Variants in USP48 observed in about 807,000 individuals in gnomAD.
USP48 encodes the protein ubiquitin specific peptidase 48.
USP48 carries 43 observed loss-of-function variants against 150.7 expected under a neutral mutation model. The observed-to-expected ratio is 0.29, with a 90% CI of 0.22 to 0.37. USP48 has a LOEUF of 0.37. Among genes scored for constraint, USP48 ranks in the 10% least tolerant of loss-of-function variants. The pLI, the probability that USP48 is intolerant of heterozygous loss-of-function variation, is 1.00. For synonymous variants in USP48, 396 were observed against 425.9 expected (o/e 0.93, Z 0.86); for missense variants, 813 against 1,249.6 (o/e 0.65, Z 5.27).
intron 3 of USP48, among the ~76,000 whole-genome samples, chr1:21,755,098 T>C (rs2097828314): frequency 6.6e-6 from 1 of 152,208 alleles, no homozygotes; most frequent in Admixed American, 6.6e-5. Flanking sequence ...ATTAATTCTG[T>C]TATTAATTCT....
At chr1:21,706,323 C>A in intron 17 of USP48, 136 bp from the exon 18 acceptor site, 1 of 1,491,792 alleles carries the variant, frequency 6.7e-7, no homozygotes, top group South Asian at 1.3e-5. Flanking sequence ...CAAAAAATAG[C>A]AGGCTGGAGT....
At chr1:21,734,791 T>C (rs1312634585) in intron 9 of USP48, among the ~76,000 whole-genome samples, 1 of 152,210 alleles carries the variant, frequency 6.6e-6, no homozygotes, top group African/African-American at 2.4e-5. Flanking sequence ...TATACCTGTC[T>C]GACAGACAAT....
chr1:21,762,516 GGT>G (rs1290306595), intron 1 of USP48, among the ~76,000 whole-genome samples: 1 of 152,134 alleles, frequency 6.6e-6, no homozygotes, highest in East Asian at 1.9e-4. Context: ...GCTTTTCAAA[GGT>G]GTAATATCAA....
intron 11 of USP48, 87 bp from the exon 12 acceptor site, chr1:21,724,182 A>T: frequency 3.1e-6 from 4 of 1,300,962 alleles, no homozygotes; most frequent in Non-Finnish European, 4.4e-6. Flanking sequence ...AAGACAATGC[A>T]AACTCTGTCC....
chr1:21,721,227 C>T, intron 13 of USP48, 61 bp from the exon 14 acceptor site: 4 of 1,584,526 alleles, frequency 2.5e-6, no homozygotes, highest in Admixed American at 3.5e-5. Flanking sequence ...GTCCTCCCTT[C>T]TTTGCCTGTA....
At chr1:21,744,381 A>G (rs914572822) in intron 8 of USP48, among the ~76,000 whole-genome samples, 2 of 151,616 alleles carry the variant, frequency 1.3e-5, no homozygotes, top group Non-Finnish European at 2.9e-5. Flanking sequence ...CAGGAGGTGG[A>G]GGCTGCAGTG....
chr1:21,715,937 G>A (rs537535959), intron 14 of USP48, among the ~76,000 whole-genome samples: 1 of 152,238 alleles, frequency 6.6e-6, no homozygotes, highest in African/African-American at 2.4e-5. Context: ...GACCCTCAAT[G>A]GATGCCTAAA....
At chr1:21,769,398 AGGAG>A (rs1411057210) in intron 1 of USP48, among the ~76,000 whole-genome samples, 1 of 148,274 alleles carries the variant, frequency 6.7e-6, no homozygotes, top group African/African-American at 2.5e-5. Context: ...GGAGGGTGGG[AGGAG>A]GGAGGGGAGC....
At chr1:21,710,160 G>A (rs190015661) in intron 15 of USP48, among the ~76,000 whole-genome samples, 143 of 152,246 alleles carry the variant, frequency 9.4e-4, no homozygotes, top group Middle Eastern at 3.4e-3. Context: ...TAAATTTTAA[G>A]AGAAAGCCAA....
At chr1:21,767,966 G>C (rs577624478) in intron 1 of USP48, among the ~76,000 whole-genome samples, 3 of 152,264 alleles carry the variant, frequency 2.0e-5, no homozygotes, top group African/African-American at 4.8e-5. Context: ...CCAGCACTCT[G>C]GGAGGCCGAG....
chr1:21,685,297 T>C (rs1168822507), intron 25 of USP48, among the ~76,000 whole-genome samples: 1 of 152,020 alleles, frequency 6.6e-6, no homozygotes, highest in East Asian at 1.9e-4. Context: ...TATTTTTTTT[T>C]GTAGCTATTA....
chr1:21,728,636 C>A lies in USP48; in HGVS notation c.1384G>T (p.Val462Leu). Residue 462 changes from valine to leucine, a missense_variant, in exon 11 of 27, where the codon GTG becomes TTG. Coordinates refer to ENST00000308271, the MANE Select transcript of USP48 (RefSeq NM_032236.8). Reference sequence around the variant, plus strand: ...TCGTGTTTTGCTTTTCCTTTATCCACACTTTGCTTACGCATCTCAGCCATT... The same window carrying A: ...TCGTGTTTTGCTTTTCCTTTATCCAAACTTTGCTTACGCATCTCAGCCATT... ...IEMAEMRKQS[V>L]DKGKAKHEEV... is the part of the protein sequence containing the mutation. 1 of 1,614,194 alleles carries A rather than the reference C, an allele frequency of 6.2e-7. No individual in the cohort carries two copies. Among genetic ancestry groups the A allele is most frequent in the Non-Finnish European group, 8.5e-7 (1 of 1,180,036 alleles).
At chr1:21,702,027 C>T (rs1381656183) in intron 21 of USP48, among the ~76,000 whole-genome samples, 2 of 152,102 alleles carry the variant, frequency 1.3e-5, no homozygotes, top group Admixed American at 1.3e-4. Flanking sequence ...ATGGAAGAAG[C>T]GCTCTCTTGC....
intron 4 of USP48, 149 bp downstream of exon 4, chr1:21,752,843 A>C: frequency 8.1e-7 from 1 of 1,230,526 alleles, no homozygotes; most frequent in Non-Finnish European, 1.1e-6. Context: ...TATAATGTGT[A>C]AACTATTGGA....
intron 3 of USP48, 26 bp downstream of exon 3, chr1:21,756,520 G>A (rs765427441): frequency 2.6e-6 from 4 of 1,551,852 alleles, no homozygotes; most frequent in East Asian, 2.5e-5. Context: ...CAGGAAGAGA[G>A]CTCTCCCCCA....
Position 21,782,966 on chromosome 1 carries a change from C to T in USP48, c.-9G>A. Reference sequence around the variant, plus strand: ...TGCAGCCGCGGGGCCATGGCCTTGGCCCCAGGAACGCCTCCCGAGCCAGAC... The same window carrying T: ...TGCAGCCGCGGGGCCATGGCCTTGGTCCCAGGAACGCCTCCCGAGCCAGAC... On this transcript the variant is annotated 5_prime_UTR_variant, in exon 1 of 27. Coordinates refer to ENST00000308271, the MANE Select transcript of USP48 (RefSeq NM_032236.8). The T allele has an allele frequency of 6.5e-7, 1 of 1,530,570 alleles. No homozygotes were observed. The highest frequency in any genetic ancestry group is 8.8e-7 in the Non-Finnish European group (1 of 1,142,740). The allele number at this position is 1,530,570 out of a possible 1,614,324, so 94.8% of individuals were successfully genotyped here. A position where few individuals can be genotyped will look rare whatever the true frequency, so the allele number is the denominator to read the frequency against.
chr1:21,717,682 G>T (rs2097708593), intron 14 of USP48, among the ~76,000 whole-genome samples: 1 of 152,170 alleles, frequency 6.6e-6, no homozygotes, highest in Non-Finnish European at 1.5e-5. Flanking sequence ...TGACTGCCGG[G>T]CACGGTGGCT....
intron 15 of USP48, among the ~76,000 whole-genome samples, chr1:21,709,076 A>AT (rs2097683045): frequency 6.6e-6 from 1 of 151,600 alleles, no homozygotes; most frequent in East Asian, 2.0e-4. Context: ...TGCCCGCCTA[A>AT]TATTTTATTT....
chr1:21,695,965 A>G (rs962648658), intron 22 of USP48, among the ~76,000 whole-genome samples: 30 of 152,190 alleles, frequency 2.0e-4, no homozygotes, highest in Admixed American at 9.2e-4. Flanking sequence ...CTCATAAAAT[A>G]TTCTTGCAAA....
Sources: gnomAD v4.1 joint callset for allele counts (sites outside exome capture counted in the v4.1 genomes callset) on GRCh38, gnomAD v4.1.1 for gene constraint, MANE v1.5 for transcripts, NCBI Gene and HGNC (gene_info 2026-07-23, HGNC 2026-07-21) for gene names.